The following SCFD2 variants were observed in gnomAD, a reference collection of about 807,000 sequenced individuals.
SCFD2 encodes sec1 family domain-containing protein 2.
In SCFD2, 54 loss-of-function variants were observed where a neutral mutation model predicts 58.9. That is an observed-to-expected ratio of 0.92 (90% CI 0.74 to 1.15). The LOEUF is 1.15. SCFD2 is among the 50% of genes most tolerant of loss of function. The pLI is 0.00. For synonymous variants in SCFD2, 321 were observed against 335.9 expected (o/e 0.96, Z 0.49); for missense variants, 805 against 836.6 (o/e 0.96, Z 0.47).
At chr4:52,900,125 C>A (rs1475926818) in intron 7 of SCFD2, among the ~76,000 whole-genome samples, 2 of 152,106 alleles carry the variant, frequency 1.3e-5, no homozygotes, top group African/African-American at 4.8e-5. Context: ...GTAGTTTGAT[C>A]TTCTGCAGCC....
At chr4:53,029,628 C>G (rs1205631355) in intron 5 of SCFD2, among the ~76,000 whole-genome samples, 1 of 152,162 alleles carries the variant, frequency 6.6e-6, no homozygotes, top group East Asian at 1.9e-4. Flanking sequence ...TATGGTAGGT[C>G]TTTAAAATTC....
chr4:52,882,905 C>T (rs532239285), intron 8 of SCFD2, among the ~76,000 whole-genome samples: 1 of 152,300 alleles, frequency 6.6e-6, no homozygotes, highest in Admixed American at 6.5e-5. Context: ...GACAAATCCT[C>T]ATCCTGGGAG....
chr4:53,030,195 T>C (rs949900696), intron 5 of SCFD2, among the ~76,000 whole-genome samples: 1 of 152,066 alleles, frequency 6.6e-6, no homozygotes, highest in Non-Finnish European at 1.5e-5. Flanking sequence ...AGAAGATATA[T>C]GAATGGCAAA....
chr4:53,255,197 T>TTTTATCTA (rs1730565033), intron 4 of SCFD2, among the ~76,000 whole-genome samples: 1 of 140,620 alleles, frequency 7.1e-6, no homozygotes, highest in African/African-American at 2.6e-5. Flanking sequence ...TTTTTTTCTT[T>TTTTATCTA]TTTATTTATT....
At chr4:53,163,320 T>C (rs1361922927) in intron 4 of SCFD2, among the ~76,000 whole-genome samples, 3 of 152,182 alleles carry the variant, frequency 2.0e-5, no homozygotes, top group Admixed American at 6.5e-5. Context: ...TTCCTTTCTC[T>C]CACTTTGGTC....
At chr4:53,313,118 T>G (rs1259794191) in intron 3 of SCFD2, among the ~76,000 whole-genome samples, 4 of 152,144 alleles carry the variant, frequency 2.6e-5, no homozygotes, top group Non-Finnish European at 5.9e-5. Context: ...ATAGAAAAAT[T>G]AGGTATGTAA....
intron 4 of SCFD2, among the ~76,000 whole-genome samples, chr4:53,215,108 T>C (rs1386849509): frequency 6.6e-6 from 1 of 152,126 alleles, no homozygotes; most frequent in Non-Finnish European, 1.5e-5. Flanking sequence ...CTTTATTCTT[T>C]TGGCTTAGGA....
At chr4:52,876,792 T>C (rs1346248041) in intron 8 of SCFD2, among the ~76,000 whole-genome samples, 2 of 149,660 alleles carry the variant, frequency 1.3e-5, no homozygotes, top group Admixed American at 6.6e-5. Context: ...GAAGCCCTTC[T>C]TCAGAAATCT....
At chr4:52,924,306 T>C (rs1719813156) in intron 5 of SCFD2, among the ~76,000 whole-genome samples, 1 of 152,184 alleles carries the variant, frequency 6.6e-6, no homozygotes, top group African/African-American at 2.4e-5. Context: ...TAATTAATCA[T>C]AGGCTGTGTA....
chr4:53,354,295 G>A (rs533915517), intron 1 of SCFD2, among the ~76,000 whole-genome samples: 3 of 152,346 alleles, frequency 2.0e-5, no homozygotes, highest in East Asian at 3.9e-4. Flanking sequence ...AGTGCTGGGG[G>A]ACCCAGCGCA....
intron 5 of SCFD2, among the ~76,000 whole-genome samples, chr4:53,141,466 CACA>C (rs1726163103): frequency 6.6e-6 from 1 of 152,016 alleles, no homozygotes; most frequent in African/African-American, 2.4e-5. Context: ...AAACAAAACA[CACA>C]ACGAGTCACT....
intron 1 of SCFD2, among the ~76,000 whole-genome samples, chr4:53,362,603 T>C (rs1354048958): frequency 6.6e-6 from 1 of 151,780 alleles, no homozygotes; most frequent in Non-Finnish European, 1.5e-5. Context: ...AAACTCTAAC[T>C]GGAGTCAAGA....
Position 53,365,652 on chromosome 4 carries a change from T to G in SCFD2, c.290A>C (p.His97Pro), listed in dbSNP as rs1413106440. Residue 97 changes from histidine (H) to proline (P), a missense_variant, in exon 1 of 9, where the codon CAC becomes CCC. Coordinates refer to ENST00000401642, the MANE Select transcript of SCFD2 (RefSeq NM_152540.4). This position sits in a 1 kb window ranked among gnomAD's most constrained non-coding sequence, Gnocchi z 4.3. ...EILRDIICRSHFQYCVVVTTV... is the reference protein window; with the variant it reads ...EILRDIICRSPFQYCVVVTTV... Reference sequence around the variant, plus strand: ...TGTGACCACCACACAATACTGGAAGTGACTGCGGCAGATGATGTCCCGTAG... The same window carrying G: ...TGTGACCACCACACAATACTGGAAGGGACTGCGGCAGATGATGTCCCGTAG... The G allele has an allele frequency of 1.9e-6, 3 of 1,614,088 alleles. No homozygotes were observed. The highest frequency in any genetic ancestry group is 1.7e-5 in the Admixed American group (1 of 59,996).
intron 1 of SCFD2, among the ~76,000 whole-genome samples, chr4:53,364,251 C>T (rs1280354907): frequency 6.6e-6 from 1 of 152,134 alleles, no homozygotes; most frequent in African/African-American, 2.4e-5. Context: ...ATACCTATTT[C>T]GTTTTTTATA....
chr4:53,008,085 A>G (rs1292216773), intron 5 of SCFD2, among the ~76,000 whole-genome samples: 2 of 152,216 alleles, frequency 1.3e-5, no homozygotes, highest in African/African-American at 2.4e-5. Flanking sequence ...GTTGAATAAA[A>G]GGACTATGTA....
intron 4 of SCFD2, among the ~76,000 whole-genome samples, chr4:53,267,562 TC>T (rs1731029075): frequency 6.6e-6 from 1 of 152,170 alleles, no homozygotes; most frequent in Non-Finnish European, 1.5e-5. Flanking sequence ...TTACTTCTTT[TC>T]CCCAATCTTA....
At chr4:53,112,504 T>A (rs754676425) in intron 5 of SCFD2, among the ~76,000 whole-genome samples, 3 of 152,086 alleles carry the variant, frequency 2.0e-5, no homozygotes, top group Non-Finnish European at 4.4e-5. Flanking sequence ...ATCTGCCAGA[T>A]GCATTCGCAC....
intron 3 of SCFD2, among the ~76,000 whole-genome samples, chr4:53,294,554 A>T (rs1248883155): frequency 1.3e-5 from 2 of 152,098 alleles, no homozygotes; most frequent in Non-Finnish European, 2.9e-5. Flanking sequence ...TGTCAGATAG[A>T]TAGATTGCTA....
chr4:53,281,776 T>C (rs1364999779), intron 3 of SCFD2, among the ~76,000 whole-genome samples: 4 of 152,248 alleles, frequency 2.6e-5, no homozygotes, highest in Non-Finnish European at 5.9e-5. Context: ...TTTAGCTTTC[T>C]TTTTTGTTCT....
Sources: gnomAD v4.1 joint callset for allele counts (sites outside exome capture counted in the v4.1 genomes callset) on GRCh38, gnomAD v4.1.1 for gene constraint, Gnocchi (gnomAD v3.1) non-coding constraint, MANE v1.5 for transcripts, NCBI Gene and HGNC (gene_info 2026-07-23, HGNC 2026-07-21) for gene names.